The following PCSK5 variants were observed in gnomAD, a reference collection of about 807,000 sequenced individuals.
PCSK5 encodes the protein prohormone convertase 5.
Under a neutral mutation model 233.2 loss-of-function variants are expected in PCSK5, and 129 were observed. The ratio of observed to expected loss-of-function variants is 0.55; its 90% CI spans 0.48 to 0.64. The LOEUF (loss-of-function observed/expected upper bound fraction) is 0.64. Among genes scored for constraint, PCSK5 ranks in the 30% least tolerant of loss-of-function variants. The pLI is 0.00. For missense variants in PCSK5, 2,076 were observed against 2,430.1 expected (o/e 0.85, Z 3.06); for synonymous variants, 825 against 879.2 (o/e 0.94, Z 1.09).
intron 24 of PCSK5, among the ~76,000 whole-genome samples, chr9:76,269,064 G>A (rs188124964): frequency 6.6e-6 from 1 of 152,300 alleles, no homozygotes; most frequent in East Asian, 1.9e-4. Context: ...TGGGCCAGCT[G>A]GGGACTGAGG....
intron 1 of PCSK5, among the ~76,000 whole-genome samples, chr9:75,906,467 T>C (rs1826269615): frequency 6.6e-6 from 1 of 152,148 alleles, no homozygotes; most frequent in Non-Finnish European, 1.5e-5. Flanking sequence ...CCTTGTGATC[T>C]GCCTGCCTCA....
At chr9:76,205,349 G>C (rs10869733) in intron 20 of PCSK5, among the ~76,000 whole-genome samples, 46,336 of 151,882 alleles carry the variant, frequency 0.31, 8,654 homozygotes, top group East Asian at 0.68. Context: ...GACATTCGCA[G>C]ACCATAGAGG....
intron 7 of PCSK5, among the ~76,000 whole-genome samples, chr9:76,086,061 T>C (rs1284335845): frequency 6.6e-6 from 1 of 152,212 alleles, no homozygotes; most frequent in African/African-American, 2.4e-5. Context: ...AGTTTCAACA[T>C]TGGTAATCAA....
intron 10 of PCSK5, among the ~76,000 whole-genome samples, chr9:76,142,237 A>G (rs770215065): frequency 2.6e-5 from 4 of 151,600 alleles, no homozygotes; most frequent in South Asian, 4.2e-4. Context: ...CAATTTCCAT[A>G]CTCATTCACT....
chr9:76,137,866 T>C (rs1823045870), intron 10 of PCSK5, among the ~76,000 whole-genome samples: 1 of 143,542 alleles, frequency 7.0e-6, no homozygotes, highest in Admixed American at 7.6e-5. Context: ...TGGGGTTTTG[T>C]TAGTATTATT....
chr9:76,113,044 G>T (rs1416551), intron 9 of PCSK5, among the ~76,000 whole-genome samples: 26,177 of 152,126 alleles, frequency 0.17, 2,448 homozygotes, highest in African/African-American at 0.25. Flanking sequence ...AAGTTCAATT[G>T]CTCAATTAGT....
chr9:75,891,542 C>CAT (rs1411640128), intron 1 of PCSK5, among the ~76,000 whole-genome samples, 169 bp downstream of exon 1: 3 of 151,182 alleles, frequency 2.0e-5, no homozygotes, highest in African/African-American at 7.3e-5. Context: ...CACACACACA[C>CAT]ACACACACAC....
At chr9:76,307,390 C>T (rs988653593) in intron 28 of PCSK5, among the ~76,000 whole-genome samples, 2 of 152,166 alleles carry the variant, frequency 1.3e-5, no homozygotes, top group African/African-American at 2.4e-5. Context: ...TGAAATCCCA[C>T]ATTCTGAGCT....
At chr9:76,227,684 G>A in intron 21 of PCSK5, 79 bp downstream of exon 21, 1 of 854,614 alleles carries the variant, frequency 1.2e-6, no homozygotes, top group Non-Finnish European at 1.9e-6. Context: ...CACCATCTTA[G>A]CAGCACCTCA....
chr9:76,033,440 C>T (rs979034428), intron 5 of PCSK5, among the ~76,000 whole-genome samples: 11 of 152,120 alleles, frequency 7.2e-5, no homozygotes, highest in Admixed American at 3.3e-4. Flanking sequence ...ATTTTTTTCT[C>T]TAATACTTTT....
intron 9 of PCSK5, among the ~76,000 whole-genome samples, chr9:76,114,624 T>G (rs141652620): frequency 6.6e-6 from 1 of 152,294 alleles, no homozygotes; most frequent in East Asian, 1.9e-4. Context: ...ATAGTTGAGT[T>G]GCTCAGAAAC....
At chr9:75,922,956 C>A (rs1022036450) in intron 1 of PCSK5, among the ~76,000 whole-genome samples, 1 of 152,144 alleles carries the variant, frequency 6.6e-6, no homozygotes, top group African/African-American at 2.4e-5. Flanking sequence ...GACTTAAATT[C>A]TTCTGTACTC....
intron 24 of PCSK5, among the ~76,000 whole-genome samples, chr9:76,269,094 A>G (rs1272145269): frequency 6.6e-6 from 1 of 152,226 alleles, no homozygotes; most frequent in Non-Finnish European, 1.5e-5. Context: ...ATCCCCATCT[A>G]CAGGAGTCAT....
intron 20 of PCSK5, chr9:76,194,277 AT>A (rs898891225): frequency 1.8e-4 from 27 of 152,204 alleles, no homozygotes; most frequent in African/African-American, 6.3e-4. Context: ...TCCATTTGTC[AT>A]GGTGGGAAGC....
intron 1 of PCSK5, among the ~76,000 whole-genome samples, chr9:75,909,150 C>T (rs760108512): frequency 9.9e-5 from 15 of 150,788 alleles, no homozygotes; most frequent in Non-Finnish European, 2.1e-4. Flanking sequence ...CATGGCGAAA[C>T]CCTTTCTCTA....
At chr9:76,051,619 C>T (rs1382445144) in intron 5 of PCSK5, among the ~76,000 whole-genome samples, 6 of 151,818 alleles carry the variant, frequency 4.0e-5, no homozygotes, top group African/African-American at 1.2e-4. Flanking sequence ...ACAACAACAA[C>T]AGGCATCACA....
At chr9:76,046,559 C>CTTTTTTTTTTTTTTTTTTTTTT (rs553542037) in intron 5 of PCSK5, among the ~76,000 whole-genome samples, 2 of 104,806 alleles carry the variant, frequency 1.9e-5, no homozygotes, top group Non-Finnish European at 3.9e-5. Context: ...CTTTCTTTTT[C>CTTTTTTTTTTTTTTTTTTTTTT]TTTTTTTTTT....
chr9:76,088,554 C>T (rs975998291), intron 7 of PCSK5, among the ~76,000 whole-genome samples: 1 of 152,186 alleles, frequency 6.6e-6, no homozygotes. Context: ...CTCATATTGT[C>T]TCATTCAAGT....
chr9:76,110,927 G>A (rs1419683613), intron 9 of PCSK5, among the ~76,000 whole-genome samples: 1 of 152,086 alleles, frequency 6.6e-6, no homozygotes, highest in Non-Finnish European at 1.5e-5. Flanking sequence ...TGCCGACTTG[G>A]CAAAACCCAT....
Sources: gnomAD v4.1 joint callset for allele counts (sites outside exome capture counted in the v4.1 genomes callset) on GRCh38, gnomAD v4.1.1 for gene constraint, MANE v1.5 for transcripts, NCBI Gene and HGNC (gene_info 2026-07-23, HGNC 2026-07-21) for gene names.